Variants in RAPGEF1 observed in about 807,000 individuals in gnomAD.
RAPGEF1 encodes the protein Rap guanine nucleotide exchange factor 1, also known as CRK SH3-binding GNRP.
In RAPGEF1, 33 loss-of-function variants were observed where a neutral mutation model predicts 143.3. The ratio of observed to expected loss-of-function variants is 0.23; its 90% CI spans 0.17 to 0.31. The LOEUF (loss-of-function observed/expected upper bound fraction) is 0.31. Ranked by LOEUF, RAPGEF1 falls within the 10% of genes least tolerant of loss-of-function variation. The pLI is 1.00. For missense variants in RAPGEF1, 1,199 were observed against 1,645.4 expected (o/e 0.73, Z 4.69); for synonymous variants, 629 against 676.5 (o/e 0.93, Z 1.09).
At chr9:131,688,522 ACT>A (rs1833536491) in intron 1 of RAPGEF1, among the ~76,000 whole-genome samples, 1 of 151,948 alleles carries the variant, frequency 6.6e-6, no homozygotes, top group African/African-American at 2.4e-5. Context: ...CTACTTTGAA[ACT>A]CTGTAAGAAA....
chr9:131,593,639 T>C (rs116180790), intron 17 of RAPGEF1, among the ~76,000 whole-genome samples: 2,381 of 152,216 alleles, frequency 0.016, 70 homozygotes, highest in African/African-American at 0.054. Flanking sequence ...CCATCCCCTC[T>C]TGCATCAAAC....
intron 10 of RAPGEF1, 143 bp from the exon 11 acceptor site, chr9:131,622,141 T>G (rs1961299384): frequency 1.3e-6 from 1 of 771,080 alleles, no homozygotes; most frequent in Non-Finnish European, 2.1e-6. Context: ...ACGGAGGACT[T>G]TTCGGGCAAT....
intron 11 of RAPGEF1, among the ~76,000 whole-genome samples, chr9:131,619,465 G>A (rs1395227840): frequency 1.3e-5 from 2 of 152,218 alleles, no homozygotes; most frequent in Non-Finnish European, 2.9e-5. Context: ...GGTGGAAGGA[G>A]GACGAGGGGG....
At chr9:131,660,312 G>A (rs1973683877) in intron 1 of RAPGEF1, among the ~76,000 whole-genome samples, 1 of 152,078 alleles carries the variant, frequency 6.6e-6, no homozygotes, top group South Asian at 2.1e-4. Flanking sequence ...CTGCTAATGG[G>A]AATATTAAGC....
chr9:131,727,402 T>C (rs977748932), intron 1 of RAPGEF1, among the ~76,000 whole-genome samples: 6 of 152,134 alleles, frequency 3.9e-5, no homozygotes, highest in African/African-American at 1.2e-4. Context: ...AGACCTATGA[T>C]CTTAAAAAGC....
chr9:131,581,264 T>C (rs1448601310), intron 25 of RAPGEF1, among the ~76,000 whole-genome samples: 1 of 151,994 alleles, frequency 6.6e-6, no homozygotes, highest in Non-Finnish European at 1.5e-5. Context: ...CATGGTGGCG[T>C]GTACCTGTAA....
intron 20 of RAPGEF1, 90 bp from the exon 21 acceptor site, chr9:131,588,116 G>A: frequency 8.9e-7 from 1 of 1,127,866 alleles, no homozygotes; most frequent in Non-Finnish European, 1.3e-6. Context: ...GTCAGAGCAG[G>A]AGAGCCTCTC....
At chr9:131,704,144 T>A (rs1295769200) in intron 1 of RAPGEF1, among the ~76,000 whole-genome samples, 1 of 151,812 alleles carries the variant, frequency 6.6e-6, no homozygotes, top group Non-Finnish European at 1.5e-5. Flanking sequence ...GTGAAGTAAT[T>A]TGTCTTGTCT....
intron 1 of RAPGEF1, among the ~76,000 whole-genome samples, chr9:131,687,254 G>A (rs900412175): frequency 2.0e-5 from 3 of 152,140 alleles, no homozygotes; most frequent in Non-Finnish European, 2.9e-5. Flanking sequence ...GCAGCGGCAC[G>A]ATCTCAGCTC....
At chr9:131,692,888 C>T (rs1833882774) in intron 1 of RAPGEF1, among the ~76,000 whole-genome samples, 1 of 152,134 alleles carries the variant, frequency 6.6e-6, no homozygotes, top group African/African-American at 2.4e-5. Context: ...TCTTGTTGCA[C>T]ATGGATAAAC....
At chr9:131,618,976 T>G (rs569995968) in intron 12 of RAPGEF1, 75 bp downstream of exon 12, 6 of 1,248,542 alleles carry the variant, frequency 4.8e-6, no homozygotes, top group Non-Finnish European at 6.4e-6. Flanking sequence ...GCAGAACACA[T>G]GGCTGAGGCA....
intron 1 of RAPGEF1, chr9:131,709,593 T>C (rs1191625873): frequency 6.2e-7 from 1 of 1,610,118 alleles, no homozygotes; most frequent in East Asian, 2.2e-5. Context: ...TGCTTCTTCC[T>C]GGAAAGGAAG....
At chr9:131,634,802 T>C (rs1464731713) in intron 5 of RAPGEF1, among the ~76,000 whole-genome samples, 1 of 148,574 alleles carries the variant, frequency 6.7e-6, no homozygotes, top group Non-Finnish European at 1.5e-5. Context: ...ACAGCTCTGG[T>C]GCTCAAGTAA....
intron 5 of RAPGEF1, among the ~76,000 whole-genome samples, chr9:131,636,023 C>T (rs1588646502): frequency 6.6e-6 from 1 of 152,222 alleles, no homozygotes; most frequent in Non-Finnish European, 1.5e-5. Flanking sequence ...CCACAGGCAG[C>T]TCCTGTCCAT....
Position 131,604,060 on chromosome 9 carries a change from G to T in RAPGEF1, c.2320-7C>A, listed in dbSNP as rs754643601. On this transcript the variant is annotated splice_region_variant and splice_polypyrimidine_tract_variant and intron_variant, in intron 13 of 26. Coordinates refer to ENST00000683357, the MANE Select transcript of RAPGEF1 (RefSeq NM_001377935.1). The stretch of plus-strand genomic sequence containing the variant: ...CCTCACTGGCGTTTTCACTCTGGGG[G>T]AGACAGGACGAGAGGAAAGACACAT... 3.8e-6 allele frequency: 5 copies of T among 1,314,514 alleles called. No homozygotes were observed. Among genetic ancestry groups the T allele is most frequent in the Non-Finnish European group, 5.0e-6 (5 of 992,064 alleles). The allele number at this position is 1,314,514 out of a possible 1,614,324, so 81.4% of individuals were successfully genotyped here.
At chr9:131,659,659 G>A (rs959722767) in intron 1 of RAPGEF1, among the ~76,000 whole-genome samples, 1 of 152,146 alleles carries the variant, frequency 6.6e-6, no homozygotes, top group Non-Finnish European at 1.5e-5. Context: ...AATGTGACCC[G>A]TGTGTAAAGC....
At chr9:131,714,314 C>A (rs953817318) in intron 1 of RAPGEF1, among the ~76,000 whole-genome samples, 3 of 151,934 alleles carry the variant, frequency 2.0e-5, no homozygotes, top group Non-Finnish European at 4.4e-5. Flanking sequence ...AGGCGGTGCT[C>A]ACTTCTTGAA....
At position 131,719,509 on chromosome 9, in the gene RAPGEF1, T is replaced by C. The variant is rs1836102996; in HGVS notation, c.61+20261A>G. ...TCAATACTGGGCAGCGGCTTCAACC[T>C]AGCTCTTCAACCCAGCTGGACAAGT... On this transcript the variant is annotated intron_variant, in intron 1 of 26. Transcript: ENST00000683357. 2.0e-5 allele frequency among the ~76,000 whole-genome samples: 3 copies of C among 151,432 alleles called. No individual in the cohort carries two copies. The South Asian group carries it at 6.3e-4, about 32-fold the overall frequency.
intron 1 of RAPGEF1, among the ~76,000 whole-genome samples, chr9:131,683,038 C>T (rs949271861): frequency 3.9e-5 from 6 of 152,150 alleles, no homozygotes; most frequent in Non-Finnish European, 8.8e-5. Context: ...TTTATTACAA[C>T]AATGGGGAGC....
Sources: gnomAD v4.1 joint callset for allele counts (sites outside exome capture counted in the v4.1 genomes callset) on GRCh38, gnomAD v4.1.1 for gene constraint, MANE v1.5 for transcripts, NCBI Gene and HGNC (gene_info 2026-07-23, HGNC 2026-07-21) for gene names.